The following CCDC91 variants were observed in gnomAD, a reference collection of about 807,000 sequenced individuals.
The protein encoded by CCDC91 is coiled-coil domain-containing protein 91.
A neutral mutation model predicts 63.2 loss-of-function variants in CCDC91; 48 were observed. The observed-to-expected ratio is 0.76, with a 90% CI of 0.60 to 0.97. The LOEUF (loss-of-function observed/expected upper bound fraction) is 0.97, where lower values mean the gene tolerates loss of function less well. CCDC91 is among the 50% of genes least tolerant of loss of function. The pLI is 0.00. For missense variants in CCDC91, 500 were observed against 494.6 expected (o/e 1.01, Z -0.10); for synonymous variants, 167 against 165.8 (o/e 1.01, Z -0.06).
At chr12:28,222,313 T>C (rs1944001170) in intron 1 of CCDC91, among the ~76,000 whole-genome samples, 1 of 152,154 alleles carries the variant, frequency 6.6e-6, no homozygotes. Context: ...GTGGTGGTGC[T>C]GGTGCTGGTG....
At chr12:28,414,642 T>C (rs1947527716) in intron 8 of CCDC91, among the ~76,000 whole-genome samples, 1 of 152,190 alleles carries the variant, frequency 6.6e-6, no homozygotes, top group Admixed American at 6.5e-5. Context: ...GGCTATTCAT[T>C]TGAGTATCAG....
intron 7 of CCDC91, among the ~76,000 whole-genome samples, chr12:28,369,293 A>T (rs1298690239): frequency 1.5e-4 from 23 of 152,326 alleles, no homozygotes. Flanking sequence ...GGCCAAAAAA[A>T]AGTAGCTACA....
intron 6 of CCDC91, among the ~76,000 whole-genome samples, chr12:28,361,441 C>T (rs543823444): frequency 6.6e-6 from 1 of 152,028 alleles, no homozygotes; most frequent in Non-Finnish European, 1.5e-5. Context: ...GATTTATCAT[C>T]TTACTACTTG....
At chr12:28,524,287 G>A (rs1941050534) in intron 12 of CCDC91, among the ~76,000 whole-genome samples, 1 of 152,196 alleles carries the variant, frequency 6.6e-6, no homozygotes, top group South Asian at 2.1e-4. Context: ...ATTACCTTGA[G>A]GCATGTCCCT....
chr12:28,321,633 A>G lies in CCDC91; in HGVS notation c.576+13884A>G, dbSNP rs144672131. 7.4e-4 allele frequency among the ~76,000 whole-genome samples: 113 copies of G among 151,966 alleles called. 3 individuals carry two copies. The East Asian group carries it at 0.02, about 27-fold the overall frequency. On this transcript the variant is annotated intron_variant, in intron 6 of 12. Transcript: ENST00000536442. ...ATAGACATCAGAGAACTTGTTGTCTATGTCTCTGCCATGTGGGGATACAGT... is the reference window on the plus strand; with the variant it reads ...ATAGACATCAGAGAACTTGTTGTCTGTGTCTCTGCCATGTGGGGATACAGT...
At chr12:28,277,290 AC>A (rs1300873580) in intron 3 of CCDC91, among the ~76,000 whole-genome samples, 1 of 152,016 alleles carries the variant, frequency 6.6e-6, no homozygotes, top group Non-Finnish European at 1.5e-5. Flanking sequence ...TATAGGTATT[AC>A]CTCAATTAAA....
intron 3 of CCDC91, among the ~76,000 whole-genome samples, chr12:28,263,295 G>A (rs186010064): frequency 1.3e-5 from 2 of 152,028 alleles, no homozygotes; most frequent in East Asian, 3.9e-4. Context: ...ATTTTTAAGT[G>A]TACAGTTCAG....
intron 4 of CCDC91, 74 bp downstream of exon 4, chr12:28,305,880 T>C: frequency 7.7e-7 from 1 of 1,295,602 alleles, no homozygotes; most frequent in South Asian, 1.4e-5. Flanking sequence ...GTTGCTTTTT[T>C]AATTTCTTTT....
At chr12:28,334,072 G>C (rs1345191850) in intron 6 of CCDC91, among the ~76,000 whole-genome samples, 2 of 151,994 alleles carry the variant, frequency 1.3e-5, no homozygotes, top group Non-Finnish European at 2.9e-5. Flanking sequence ...ATGTGTATGT[G>C]TATGTGTATG....
In CCDC91 at chr12:28,434,558, C is replaced by G. The variant is rs11519096; in HGVS notation, c.763-15603C>G. Among the ~76,000 whole-genome samples, 637 of 110,512 alleles carry G rather than the reference C, an allele frequency of 5.8e-3. 8 individuals carry two copies. Among genetic ancestry groups the G allele is most frequent in the African/African-American group, 0.021 (606 of 28,394 alleles). The allele number at this position is 110,512 out of a possible 152,430, so 72.5% of individuals were successfully genotyped here. A position where few individuals can be genotyped will look rare whatever the true frequency, so the allele number is the denominator to read the frequency against. On this transcript the variant is annotated intron_variant, in intron 8 of 12. Coordinates refer to ENST00000536442, the MANE Select transcript of CCDC91 (RefSeq NM_018318.5). ...TTTTTGAATTTATGTTCATACTGTT[C>G]TGCAGTTTTCTTATTAGGCCTTAGG...
chr12:28,462,031 G>A (rs1201531033), intron 11 of CCDC91, among the ~76,000 whole-genome samples: 2 of 151,774 alleles, frequency 1.3e-5, no homozygotes, highest in South Asian at 2.1e-4. Flanking sequence ...GTGCTGCAAC[G>A]AATTCATAAG....
chr12:28,193,755 C>T (rs1941484630), intron 1 of CCDC91, among the ~76,000 whole-genome samples: 2 of 152,172 alleles, frequency 1.3e-5, no homozygotes, highest in South Asian at 2.1e-4. Flanking sequence ...TTCTAATATG[C>T]GTTTAGTGAA....
At chr12:28,318,320 C>G (rs1408858484) in intron 6 of CCDC91, among the ~76,000 whole-genome samples, 1 of 150,736 alleles carries the variant, frequency 6.6e-6, no homozygotes, top group Non-Finnish European at 1.5e-5. Context: ...CCAGGTAAAT[C>G]GAGACCAGCT....
intron 1 of CCDC91, among the ~76,000 whole-genome samples, chr12:28,227,002 C>T (rs1367204436): frequency 6.6e-6 from 1 of 152,084 alleles, no homozygotes; most frequent in Non-Finnish European, 1.5e-5. Flanking sequence ...TGTTTTTCCT[C>T]ATGATTAGAC....
At chr12:28,285,075 A>C (rs1449572251) in intron 3 of CCDC91, among the ~76,000 whole-genome samples, 1 of 152,230 alleles carries the variant, frequency 6.6e-6, no homozygotes, top group African/African-American at 2.4e-5. Context: ...AATGTTTGAC[A>C]GGATAATTTA....
At chr12:28,514,353 T>C (rs967782107) in intron 12 of CCDC91, among the ~76,000 whole-genome samples, 2 of 152,056 alleles carry the variant, frequency 1.3e-5, no homozygotes, top group African/African-American at 4.8e-5. Flanking sequence ...GGATGCTAGA[T>C]ATTAGACCTT....
intron 1 of CCDC91, among the ~76,000 whole-genome samples, chr12:28,225,536 C>T (rs1454668050): frequency 3.3e-5 from 5 of 151,930 alleles, no homozygotes; most frequent in South Asian, 4.1e-4. Flanking sequence ...CTGCAACCTC[C>T]GCCTCCTGGG....
At chr12:28,439,519 A>G (rs1338230177) in intron 8 of CCDC91, among the ~76,000 whole-genome samples, 2 of 152,108 alleles carry the variant, frequency 1.3e-5, no homozygotes, top group Admixed American at 6.5e-5. Flanking sequence ...CAGAATATAT[A>G]CTAACCCCCT....
chr12:28,441,057 C>CAAAAAAAAAAAAAAAAAAAAAAAAAA (rs60278449), intron 8 of CCDC91, among the ~76,000 whole-genome samples: 1 of 52,698 alleles, frequency 1.9e-5, no homozygotes. Flanking sequence ...GACTCCATCT[C>CAAAAAAAAAAAAAAAAAAAAAAAAAA]AAAAAAAAAA....
Sources: gnomAD v4.1 joint callset for allele counts (sites outside exome capture counted in the v4.1 genomes callset) on GRCh38, gnomAD v4.1.1 for gene constraint, MANE v1.5 for transcripts, NCBI Gene and HGNC (gene_info 2026-07-23, HGNC 2026-07-21) for gene names.